Variants in FMN2 observed in about 807,000 individuals in gnomAD.
FMN2 encodes the protein formin-2.
FMN2 carries 51 observed loss-of-function variants against 142.3 expected under a neutral mutation model. The observed-to-expected ratio is 0.36, with a 90% CI of 0.29 to 0.45. The LOEUF is 0.45. FMN2 is among the 20% of genes least tolerant of loss of function. FMN2 has a pLI of 1.00. For missense variants in FMN2, 1,936 were observed against 2,122.8 expected, an observed-to-expected ratio of 0.91 and a Z score of 1.73; for synonymous variants, 882 against 869.8, an observed-to-expected ratio of 1.01 and a Z score of -0.25.
At chr1:240,468,050 C>G (rs1246251970) in intron 16 of FMN2, among the ~76,000 whole-genome samples, 1 of 152,026 alleles carries the variant, frequency 6.6e-6, no homozygotes, top group Non-Finnish European at 1.5e-5. Context: ...ATCTGGATTG[C>G]TAATTAGAAG....
chr1:240,394,179 T>C (rs1014553506), intron 15 of FMN2, among the ~76,000 whole-genome samples: 1 of 152,162 alleles, frequency 6.6e-6, no homozygotes, highest in Non-Finnish European at 1.5e-5. Flanking sequence ...TGAGTTTCAG[T>C]TCCTTGATAC....
intron 16 of FMN2, among the ~76,000 whole-genome samples, chr1:240,449,078 G>A (rs554360544): frequency 9.2e-5 from 14 of 151,610 alleles, no homozygotes; most frequent in East Asian, 1.9e-4. Flanking sequence ...GGCTGTTGAC[G>A]CTGCAGCAAA....
At chr1:240,226,841 C>T (rs1340565575) in intron 6 of FMN2, among the ~76,000 whole-genome samples, 3 of 152,068 alleles carry the variant, frequency 2.0e-5, no homozygotes, top group Non-Finnish European at 2.9e-5. Context: ...CACATACACA[C>T]ACACACACAA....
intron 16 of FMN2, among the ~76,000 whole-genome samples, chr1:240,448,475 T>A (rs1056739509): frequency 1.3e-5 from 2 of 152,172 alleles, no homozygotes; most frequent in African/African-American, 2.4e-5. Flanking sequence ...CAAGTTTCTG[T>A]AATACATAGG....
intron 2 of FMN2, among the ~76,000 whole-genome samples, chr1:240,169,656 C>T (rs941938444): frequency 2.0e-5 from 3 of 151,774 alleles, no homozygotes; most frequent in Admixed American, 6.6e-5. Context: ...ATTTTTTTTT[C>T]TGTAGAGATA....
chr1:240,416,760 T>C (rs958228583), intron 15 of FMN2, among the ~76,000 whole-genome samples: 5 of 23,990 alleles, frequency 2.1e-4, no homozygotes, highest in South Asian at 1.4e-3. Flanking sequence ...CTCTCTCTTC[T>C]TTTTTTTTTT....
chr1:240,192,118 A>G (rs925555044), intron 4 of FMN2, among the ~76,000 whole-genome samples: 1 of 152,222 alleles, frequency 6.6e-6, no homozygotes, highest in African/African-American at 2.4e-5. Flanking sequence ...TCTAACTGCA[A>G]ATTTATTTGA....
At chr1:240,451,226 C>T (rs548725945) in intron 16 of FMN2, among the ~76,000 whole-genome samples, 6 of 151,304 alleles carry the variant, frequency 4.0e-5, no homozygotes, top group Non-Finnish European at 5.9e-5. Flanking sequence ...ATTAGCTGGG[C>T]GCGGTGGTGG....
At position 240,271,432 on chromosome 1, in the gene FMN2, T is replaced by A. The variant is rs1165524341; in HGVS notation, c.4153+13400T>A. Among the ~76,000 whole-genome samples the A allele has an allele frequency of 3.3e-5, 5 of 151,426 alleles. No individual in the cohort carries two copies. In the East Asian group the frequency reaches 9.7e-4, roughly 29 times the overall value. On this transcript the variant is annotated intron_variant, in intron 7 of 17. Transcript: ENST00000319653. Reference sequence around the variant, plus strand: ...TCAGTGTCTGATTTTTTTTTTTTTTTAATGAAACTCAAGCTTATAAGGCTT... The same window carrying A: ...TCAGTGTCTGATTTTTTTTTTTTTTAAATGAAACTCAAGCTTATAAGGCTT...
intron 15 of FMN2, among the ~76,000 whole-genome samples, chr1:240,417,098 A>C (rs1331544112): frequency 6.7e-6 from 1 of 148,944 alleles, no homozygotes; most frequent in Non-Finnish European, 1.5e-5. Flanking sequence ...CTTTGCTGGT[A>C]ATTATTTTCC....
At chr1:240,252,254 T>C (rs1448149115) in intron 6 of FMN2, among the ~76,000 whole-genome samples, 1 of 152,148 alleles carries the variant, frequency 6.6e-6, no homozygotes, top group Non-Finnish European at 1.5e-5. Context: ...TCTTCCTTTC[T>C]TTTTCTCTTA....
intron 8 of FMN2, among the ~76,000 whole-genome samples, chr1:240,300,103 C>G (rs1238237001): frequency 1.3e-5 from 2 of 152,150 alleles, no homozygotes; most frequent in Non-Finnish European, 2.9e-5. Flanking sequence ...TCCTCTATCA[C>G]CCCAAATCAC....
intron 2 of FMN2, among the ~76,000 whole-genome samples, chr1:240,164,726 T>C (rs1438451431): frequency 6.6e-6 from 1 of 152,222 alleles, no homozygotes; most frequent in Non-Finnish European, 1.5e-5. Context: ...AGGTCATCTA[T>C]TTGTGGCTGC....
chr1:240,223,968 A>T (rs541146765), intron 6 of FMN2, among the ~76,000 whole-genome samples: 1 of 151,900 alleles, frequency 6.6e-6, no homozygotes, highest in Non-Finnish European at 1.5e-5. Flanking sequence ...AGGGCTTTCC[A>T]TGTCTCTATC....
rs1449501686 is a variant in FMN2 at position 240,093,451 on chromosome 1, G to C, written c.1342G>C (p.Glu448Gln). 1 of 1,613,610 alleles carries C rather than the reference G, an allele frequency of 6.2e-7. No homozygotes were observed. Among genetic ancestry groups the C allele is most frequent in the Admixed American group, 1.7e-5 (1 of 59,996 alleles). Residue 448 changes from glutamate (E) to glutamine (Q), a missense_variant, in exon 1 of 18, where the codon GAA (glutamate) becomes CAA (glutamine). Glu to Gln is a conservative substitution (Grantham distance 29, BLOSUM62 2). Coordinates refer to ENST00000319653, the MANE Select transcript of FMN2 (RefSeq NM_020066.5). ...GAGCCCCAGGATCAAGAGGCGGCCG[G>C]AACCCTCCCTGAGCCGAGGGTCCAG... ...NQSPRIKRRP[E>Q]PSLSRGSRTA...
intron 3 of FMN2, among the ~76,000 whole-genome samples, chr1:240,182,216 T>C (rs1320723944): frequency 6.6e-6 from 1 of 152,202 alleles, no homozygotes; most frequent in Non-Finnish European, 1.5e-5. Flanking sequence ...AATAATTAAC[T>C]TGAGTTTTCA....
At chr1:240,242,221 GCTT>G (rs1053222963) in intron 6 of FMN2, among the ~76,000 whole-genome samples, 17 of 152,250 alleles carry the variant, frequency 1.1e-4, no homozygotes, top group African/African-American at 4.1e-4. Context: ...ACATGCATTT[GCTT>G]CTTTTTAAAA....
chr1:240,334,060 A>G, intron 12 of FMN2, 49 bp from the exon 13 acceptor site: 1 of 1,570,736 alleles, frequency 6.4e-7, no homozygotes, highest in Non-Finnish European at 8.6e-7. Flanking sequence ...ATTCTTTTTT[A>G]TATTGATAAC....
At chr1:240,470,355 G>A (rs960503245) in intron 16 of FMN2, among the ~76,000 whole-genome samples, 1 of 152,150 alleles carries the variant, frequency 6.6e-6, no homozygotes, top group Admixed American at 6.5e-5. Flanking sequence ...TTTAGAGGAA[G>A]GATTAAAGGC....
Sources: gnomAD v4.1 joint callset for allele counts (sites outside exome capture counted in the v4.1 genomes callset) on GRCh38, gnomAD v4.1.1 for gene constraint, MANE v1.5 for transcripts, NCBI Gene and HGNC (gene_info 2026-07-23, HGNC 2026-07-21) for gene names.